The following TFDP2 variants were observed in gnomAD, a reference collection of about 807,000 sequenced individuals.
The protein encoded by TFDP2 is transcription factor Dp-2.
Under a neutral mutation model 59.3 loss-of-function variants are expected in TFDP2, and 17 were observed. That is an observed-to-expected ratio of 0.29 (90% CI 0.20 to 0.43). The LOEUF (loss-of-function observed/expected upper bound fraction) is 0.43. TFDP2 is among the 20% of genes least tolerant of loss of function. TFDP2 has a pLI of 1.00. For missense variants in TFDP2, 391 were observed against 528.8 expected, an observed-to-expected ratio of 0.74 and a Z score of 2.56; for synonymous variants, 180 against 194.7, an observed-to-expected ratio of 0.92 and a Z score of 0.63.
intron 2 of TFDP2, among the ~76,000 whole-genome samples, chr3:142,099,737 C>CT (rs1215469149): frequency 6.6e-6 from 1 of 151,846 alleles, no homozygotes; most frequent in African/African-American, 2.4e-5. Flanking sequence ...AAATTTCTAC[C>CT]TCCATTCCTA....
intron 3 of TFDP2, among the ~76,000 whole-genome samples, chr3:142,091,262 A>C (rs1421525695): frequency 6.6e-6 from 1 of 152,198 alleles, no homozygotes; most frequent in Non-Finnish European, 1.5e-5. Flanking sequence ...ATTGAGGCTT[A>C]AAGTATCTCT....
chr3:142,032,789 C>T (rs1560066749), intron 3 of TFDP2, among the ~76,000 whole-genome samples: 1 of 152,140 alleles, frequency 6.6e-6, no homozygotes, highest in Non-Finnish European at 1.5e-5. Context: ...ATATCATTCT[C>T]CCAGTTTAAA....
intron 1 of TFDP2, among the ~76,000 whole-genome samples, chr3:142,107,581 G>A (rs1192052130): frequency 2.0e-5 from 3 of 152,048 alleles, no homozygotes; most frequent in East Asian, 1.9e-4. Flanking sequence ...TTTCTTACGT[G>A]AGCAGCATAT....
Position 142,147,850 on chromosome 3 carries a change from G to C in TFDP2, c.-93+1333C>G, listed in dbSNP as rs150658052. Among the ~76,000 whole-genome samples the C allele has an allele frequency of 4.6e-3, 694 of 152,276 alleles. 5 individuals are homozygous for C. The highest frequency in any genetic ancestry group is 0.016 in the African/African-American group (648 of 41,540). On this transcript the variant is annotated intron_variant, in intron 1 of 12. Coordinates refer to ENST00000489671, the MANE Select transcript of TFDP2 (RefSeq NM_001178139.2). ...TTTGATTTTTCTCCTGGTGCTGTCTGAGAATGGACACTGCCATTAAAGATT... is the reference window on the plus strand; with the variant it reads ...TTTGATTTTTCTCCTGGTGCTGTCTCAGAATGGACACTGCCATTAAAGATT...
chr3:142,009,642 G>A (rs1944489144), intron 3 of TFDP2, among the ~76,000 whole-genome samples: 1 of 151,554 alleles, frequency 6.6e-6, no homozygotes, highest in South Asian at 2.1e-4. Context: ...CCGAGGAGGT[G>A]GAGGTTGCAG....
At chr3:141,952,835 C>T (rs1246380825) in intron 12 of TFDP2, 76 bp downstream of exon 12, 2 of 1,556,686 alleles carry the variant, frequency 1.3e-6, no homozygotes, top group Non-Finnish European at 1.8e-6. Context: ...CTGGCAGTAA[C>T]ATGACCCCGG....
rs34829579 is a variant in TFDP2 at position 141,983,146 on chromosome 3, A to G, written c.357-4464T>C. 3.5e-3 allele frequency among the ~76,000 whole-genome samples: 533 copies of G among 152,326 alleles called. 4 individuals carry two copies. Among genetic ancestry groups the G allele is most frequent in the Non-Finnish European group, 2.7e-3 (181 of 68,032 alleles). Reference sequence around the variant, plus strand: ...TAATAGAATATCATGCCAAAACTCAATTAACATCAACATTAAAATTCAACA... The same window carrying G: ...TAATAGAATATCATGCCAAAACTCAGTTAACATCAACATTAAAATTCAACA... On this transcript the variant is annotated intron_variant, in intron 6 of 12. Coordinates refer to ENST00000489671, the MANE Select transcript of TFDP2 (RefSeq NM_001178139.2).
chr3:141,986,767 T>C (rs564889012), intron 6 of TFDP2, among the ~76,000 whole-genome samples: 1 of 152,330 alleles, frequency 6.6e-6, no homozygotes, highest in South Asian at 2.1e-4. Context: ...CCACCAGCAG[T>C]GTATGAGCAT....
Position 141,948,574 on chromosome 3 carries a change from C to G in TFDP2, c.*3939G>C, listed in dbSNP as rs959838662. ...AAAAAAAGCTAAATAGGCTCCCCAC[C>G]GTGCCCCCCTCTCTCAGTGTGGTTA... On this transcript the variant is annotated 3_prime_UTR_variant, in exon 13 of 13. Transcript: ENST00000489671. The G allele has an allele frequency of 6.6e-6, 1 of 152,642 alleles. No homozygotes were observed. The highest frequency in any genetic ancestry group is 6.6e-5 in the Admixed American group (1 of 15,210). The allele number at this position is 152,642 out of a possible 1,614,324, so 9.5% of individuals were successfully genotyped here.
intron 3 of TFDP2, among the ~76,000 whole-genome samples, chr3:142,055,510 T>C (rs984074133): frequency 6.6e-6 from 1 of 152,212 alleles, no homozygotes; most frequent in Non-Finnish European, 1.5e-5. Flanking sequence ...ACTCCCATTT[T>C]AGAGATAAGA....
intron 5 of TFDP2, chr3:141,994,679 T>C (rs1943096064): frequency 6.2e-6 from 1 of 160,416 alleles, no homozygotes; most frequent in African/African-American, 2.4e-5. Context: ...CAACACTTAA[T>C]ATTTAACTCC....
chr3:141,948,024 C>T lies in TFDP2; in HGVS notation c.*4489G>A, dbSNP rs985297818. The T allele has an allele frequency of 6.6e-6, 1 of 152,284 alleles. No individual in the cohort carries two copies. The allele number at this position is 152,284 out of a possible 1,614,324, so 9.4% of individuals were successfully genotyped here. ...GGAGGAGAACCCAACATCGGCAGGGCTCTCGCTGCTCCGCCCCAATGCCTG... is the reference window on the plus strand; with the variant it reads ...GGAGGAGAACCCAACATCGGCAGGGTTCTCGCTGCTCCGCCCCAATGCCTG... On this transcript the variant is annotated 3_prime_UTR_variant, in exon 13 of 13. Coordinates refer to ENST00000489671, the MANE Select transcript of TFDP2 (RefSeq NM_001178139.2).
At chr3:142,144,452 G>A (rs1577081268) in intron 1 of TFDP2, among the ~76,000 whole-genome samples, 1 of 152,208 alleles carries the variant, frequency 6.6e-6, no homozygotes, top group African/African-American at 2.4e-5. Flanking sequence ...AAGGGAGTTG[G>A]AAAGTACTAT....
rs558934795 is a variant in TFDP2, at chr3:141,944,793, C to T, written c.*7720G>A. The stretch of plus-strand genomic sequence containing the variant: ...AATTTCAGAAAATCAGGAGTAATTA[C>T]GTATACAGAAATAGCTCTTCTATAA... On this transcript the variant is annotated 3_prime_UTR_variant, in exon 13 of 13. Coordinates refer to ENST00000489671, the MANE Select transcript of TFDP2 (RefSeq NM_001178139.2). 1 of 152,258 alleles carries T rather than the reference C, an allele frequency of 6.6e-6. No homozygotes were observed. The highest frequency in any genetic ancestry group is 2.1e-4 in the South Asian group (1 of 4,828). 9.4% of individuals were successfully genotyped at this position (152,258 alleles called of 1,614,324 possible).
rs535689463 is a variant in TFDP2 at position 141,977,387 on chromosome 3, CAT to C, written c.519+1131_519+1132del. Among the ~76,000 whole-genome samples, 117 of 137,568 alleles carry C rather than the reference CAT, an allele frequency of 8.5e-4. No individual in the cohort carries two copies. In the South Asian group the frequency reaches 0.013, roughly 15 times the overall value. The allele number at this position is 137,568 out of a possible 152,430, so 90.2% of individuals were successfully genotyped here. A position where few individuals can be genotyped will look rare whatever the true frequency, so the allele number is the denominator to read the frequency against. The stretch of plus-strand genomic sequence containing the variant: ...AGGAGTTCAAAATCAGCCTGGGCAA[CAT>C]AGTGAGACCTCATATCAAAAAAAAA... On this transcript the variant is annotated intron_variant, in intron 7 of 12. Transcript: ENST00000489671.
At chr3:142,030,918 AT>A (rs1482813244) in intron 3 of TFDP2, among the ~76,000 whole-genome samples, 1 of 150,332 alleles carries the variant, frequency 6.7e-6, no homozygotes, top group Non-Finnish European at 1.5e-5. Flanking sequence ...AATTTTTTGT[AT>A]TTTTAGTAGA....
chr3:142,110,926 C>T (rs1396770333), intron 1 of TFDP2, among the ~76,000 whole-genome samples: 1 of 148,734 alleles, frequency 6.7e-6, no homozygotes, highest in Non-Finnish European at 1.5e-5. Flanking sequence ...GCACTCCAGC[C>T]TGAGCAACAG....
chr3:142,111,212 T>A (rs1447536726), intron 1 of TFDP2, among the ~76,000 whole-genome samples: 1 of 152,160 alleles, frequency 6.6e-6, no homozygotes, highest in East Asian at 1.9e-4. Flanking sequence ...GTGGATTACC[T>A]GAGGTCAGGA....
In TFDP2 at chr3:141,945,225, G is replaced by C. The variant is rs1027381083; in HGVS notation, c.*7288C>G. ...GCTCATTGCAACTTTTGCCTCCTGG[G>C]TTCAAGAGATTCTCCTGCCTCAGCC... On this transcript the variant is annotated 3_prime_UTR_variant, in exon 13 of 13. Transcript: ENST00000489671. 1 of 152,090 alleles carries C rather than the reference G, an allele frequency of 6.6e-6. No homozygotes were observed. Among genetic ancestry groups the C allele is most frequent in the Non-Finnish European group, 1.5e-5 (1 of 68,128 alleles). 9.4% of individuals were successfully genotyped at this position (152,090 alleles called of 1,614,324 possible). A position where few individuals can be genotyped will look rare whatever the true frequency, so the allele number is the denominator to read the frequency against.
Sources: gnomAD v4.1 joint callset for allele counts (sites outside exome capture counted in the v4.1 genomes callset) on GRCh38, gnomAD v4.1.1 for gene constraint, MANE v1.5 for transcripts, NCBI Gene and HGNC (gene_info 2026-07-23, HGNC 2026-07-21) for gene names.